Variants in FAM110B observed in about 807,000 individuals in gnomAD.
FAM110B encodes family with sequence similarity 110 member B.
A neutral mutation model predicts 20.4 loss-of-function variants in FAM110B; 6 were observed. The observed-to-expected ratio is 0.29, with a 90% CI of 0.16 to 0.58. The LOEUF is 0.58. Among genes scored for constraint, FAM110B ranks in the 20% least tolerant of loss-of-function variants. FAM110B has a pLI of 0.90. For missense variants in FAM110B, 434 were observed against 498.2 expected (o/e 0.87, Z 1.23); for synonymous variants, 226 against 214.1 (o/e 1.06, Z -0.49).
intron 1 of FAM110B, among the ~76,000 whole-genome samples, chr8:58,001,593 T>C (rs1417246564): frequency 6.6e-6 from 1 of 152,198 alleles, no homozygotes; most frequent in Non-Finnish European, 1.5e-5. Flanking sequence ...TCCCTGGTTG[T>C]TATCTCTACC....
intron 3 of FAM110B, among the ~76,000 whole-genome samples, chr8:58,135,503 A>G (rs368206102): frequency 4.6e-5 from 7 of 152,344 alleles, no homozygotes; most frequent in African/African-American, 1.4e-4. Flanking sequence ...ATTATAACAC[A>G]CATTTTATTT....
intron 2 of FAM110B, among the ~76,000 whole-genome samples, chr8:58,045,091 T>C (rs1021307725): frequency 1.3e-5 from 2 of 152,172 alleles, no homozygotes; most frequent in Non-Finnish European, 2.9e-5. Context: ...CAATCTTAAG[T>C]TGGTGTGGTG....
intron 3 of FAM110B, among the ~76,000 whole-genome samples, chr8:58,107,727 G>A (rs1318771364): frequency 2.6e-5 from 4 of 152,164 alleles, no homozygotes; most frequent in African/African-American, 7.2e-5. Flanking sequence ...TAAGAGAAAG[G>A]AACCCTGATT....
At chr8:58,004,930 G>T (rs1037019787) in intron 1 of FAM110B, among the ~76,000 whole-genome samples, 7 of 152,310 alleles carry the variant, frequency 4.6e-5, no homozygotes, top group African/African-American at 7.2e-5. Flanking sequence ...CTCCCGAGAA[G>T]CGATAAGGCT....
In FAM110B at chr8:58,091,833, G is replaced by T. The variant is rs896612655; in HGVS notation, c.-325+16210G>T. Among the ~76,000 whole-genome samples, 17 of 152,284 alleles carry T rather than the reference G, an allele frequency of 1.1e-4. 1 individual carries two copies. The highest frequency in any genetic ancestry group is 1.1e-3 in the Admixed American group (17 of 15,298). On this transcript the variant is annotated intron_variant, in intron 3 of 3. Transcript: ENST00000519262. Reference sequence around the variant, plus strand: ...GAAATGATCCCTGCATGGCAGAGCAGCCTGTTACCATGGAGACAGCTTACT... The same window carrying T: ...GAAATGATCCCTGCATGGCAGAGCATCCTGTTACCATGGAGACAGCTTACT...
At chr8:58,033,095 C>A (rs1805003000) in intron 2 of FAM110B, among the ~76,000 whole-genome samples, 1 of 152,088 alleles carries the variant, frequency 6.6e-6, no homozygotes, top group Non-Finnish European at 1.5e-5. Context: ...GTGCCTTTTG[C>A]TCCCATTTTT....
intron 3 of FAM110B, among the ~76,000 whole-genome samples, chr8:58,121,741 C>T: frequency 6.6e-6 from 1 of 152,092 alleles, no homozygotes; most frequent in East Asian, 1.9e-4. Flanking sequence ...AGATTATTTT[C>T]CCAAATGTTC....
chr8:58,146,050 T>G lies in FAM110B; in HGVS notation c.-181T>G, dbSNP rs1425490306. The G allele has an allele frequency of 1.2e-5, 8 of 661,562 alleles. No individual in the cohort carries two copies. Among genetic ancestry groups the G allele is most frequent in the Admixed American group, 6.5e-5 (2 of 30,790 alleles). The allele number at this position is 661,562 out of a possible 1,614,324, so 41.0% of individuals were successfully genotyped here. A position where few individuals can be genotyped will look rare whatever the true frequency, so the allele number is the denominator to read the frequency against. On this transcript the variant is annotated 5_prime_UTR_variant, in exon 4 of 4. It removes an upstream start codon present in the reference 5' UTR. Transcript: ENST00000519262. Reference sequence around the variant, plus strand: ...CCGCCTGGAAGGGGAGAAAAGTGTATGAAAGCCACCGTGGCGGTTAATGAG... The same window carrying G: ...CCGCCTGGAAGGGGAGAAAAGTGTAGGAAAGCCACCGTGGCGGTTAATGAG...
chr8:58,140,376 G>A (rs528393479), intron 3 of FAM110B, among the ~76,000 whole-genome samples: 33 of 152,268 alleles, frequency 2.2e-4, no homozygotes, highest in African/African-American at 7.5e-4. Flanking sequence ...CCCTCAAGAG[G>A]TAGGTACTAT....
chr8:58,132,528 C>T (rs1308603886), intron 3 of FAM110B, among the ~76,000 whole-genome samples: 1 of 152,108 alleles, frequency 6.6e-6, no homozygotes, highest in Non-Finnish European at 1.5e-5. Context: ...CCGAGGTGGA[C>T]AGCAGCTCCT....
intron 3 of FAM110B, among the ~76,000 whole-genome samples, chr8:58,130,782 T>C (rs1223726262): frequency 6.6e-6 from 1 of 152,240 alleles, no homozygotes; most frequent in African/African-American, 2.4e-5. Context: ...ACAGAAGCAG[T>C]ACGTTCTTCC....
chr8:58,079,546 T>G (rs1353205966), intron 3 of FAM110B, among the ~76,000 whole-genome samples: 1 of 152,044 alleles, frequency 6.6e-6, no homozygotes, highest in Non-Finnish European at 1.5e-5. Context: ...GGAGGCTGAG[T>G]TAGGAAGATC....
At chr8:58,114,505 C>T (rs1475220028) in intron 3 of FAM110B, among the ~76,000 whole-genome samples, 1 of 152,158 alleles carries the variant, frequency 6.6e-6, no homozygotes, top group Non-Finnish European at 1.5e-5. Context: ...GAAATTGCTG[C>T]TCCAAGTTCA....
intron 3 of FAM110B, among the ~76,000 whole-genome samples, chr8:58,141,253 T>C (rs572949641): frequency 6.6e-6 from 1 of 152,338 alleles, no homozygotes; most frequent in South Asian, 2.1e-4. Flanking sequence ...GTTTTACACA[T>C]ATTGTAAACG....
At chr8:58,058,543 T>C (rs1805593652) in intron 2 of FAM110B, among the ~76,000 whole-genome samples, 1 of 152,120 alleles carries the variant, frequency 6.6e-6, no homozygotes, top group African/African-American at 2.4e-5. Flanking sequence ...GGCCTATATA[T>C]GAATAGGAAG....
chr8:58,039,093 G>A lies in FAM110B; in HGVS notation c.-414+7390G>A, dbSNP rs1019812873. 1.9e-4 allele frequency among the ~76,000 whole-genome samples: 29 copies of A among 152,212 alleles called. 1 individual carries two copies. Among genetic ancestry groups the A allele is most frequent in the Non-Finnish European group, 5.9e-5 (4 of 68,038 alleles). On this transcript the variant is annotated intron_variant, in intron 2 of 3. Coordinates refer to ENST00000519262, the MANE Select transcript of FAM110B (RefSeq NM_001377989.1). Reference sequence around the variant, plus strand: ...GTGTTTTTGACAGAATTCCCTGGAGGAGCTGAGGAAAGCATGTCAGCCTGA... The same window carrying A: ...GTGTTTTTGACAGAATTCCCTGGAGAAGCTGAGGAAAGCATGTCAGCCTGA...
chr8:58,072,772 T>C (rs571060390), intron 2 of FAM110B, among the ~76,000 whole-genome samples: 1 of 152,308 alleles, frequency 6.6e-6, no homozygotes, highest in Non-Finnish European at 1.5e-5. Context: ...CTTTCTAATG[T>C]TTTCTCCTGA....
intron 1 of FAM110B, among the ~76,000 whole-genome samples, chr8:58,005,064 T>C (rs1030369784): frequency 1.3e-5 from 2 of 152,254 alleles, no homozygotes; most frequent in African/African-American, 4.8e-5. Flanking sequence ...TGACCTGTCG[T>C]GGCTTTTGAC....
At chr8:58,113,718 G>C (rs1183991827) in intron 3 of FAM110B, 1 of 152,174 alleles carries the variant, frequency 6.6e-6, no homozygotes, top group East Asian at 1.9e-4. Flanking sequence ...ATACAAATTT[G>C]GGGGGCACAT....
Sources: gnomAD v4.1 joint callset for allele counts (sites outside exome capture counted in the v4.1 genomes callset) on GRCh38, gnomAD v4.1.1 for gene constraint, MANE v1.5 for transcripts, NCBI Gene and HGNC (gene_info 2026-07-23, HGNC 2026-07-21) for gene names.